ARHGEF10: variants seen among roughly 807,000 people sequenced by gnomAD.
The protein encoded by ARHGEF10 is Rho guanine nucleotide exchange factor (GEF) 10.
Under a neutral mutation model 147.4 loss-of-function variants are expected in ARHGEF10, and 140 were observed. That is an observed-to-expected ratio of 0.95 (90% CI 0.83 to 1.09). The LOEUF (loss-of-function observed/expected upper bound fraction) is 1.09. ARHGEF10 is among the 50% of genes least tolerant of loss of function. The pLI, the probability that ARHGEF10 is intolerant of heterozygous loss-of-function variation, is 0.00. For synonymous variants in ARHGEF10, 902 were observed against 695.8 expected (o/e 1.30, Z -4.67); for missense variants, 2,222 against 1,752.7 (o/e 1.27, Z -4.78).
chr8:1,950,708 A>AT (rs774114750), intron 27 of ARHGEF10, among the ~76,000 whole-genome samples: 3 of 85,130 alleles, frequency 3.5e-5, no homozygotes, highest in South Asian at 3.8e-4. Context: ...GTTTTTTTGT[A>AT]TTTTTTTGTT....
At chr8:1,888,041 G>GT (rs200902915) in intron 11 of ARHGEF10, among the ~76,000 whole-genome samples, 647 of 139,852 alleles carry the variant, frequency 4.6e-3, no homozygotes, top group Middle Eastern at 8.5e-3. Context: ...TAGGGTGAGG[G>GT]TTGTTAGGAG....
chr8:1,919,700 G>C (rs1250000872), intron 18 of ARHGEF10, among the ~76,000 whole-genome samples: 1 of 150,082 alleles, frequency 6.7e-6, no homozygotes, highest in Non-Finnish European at 1.5e-5. Flanking sequence ...TGTTTTGTGG[G>C]TGATGGAGCT....
chr8:1,923,724 A>C, intron 20 of ARHGEF10, 50 bp from the exon 21 acceptor site: 1 of 1,613,536 alleles, frequency 6.2e-7, no homozygotes, highest in Non-Finnish European at 8.5e-7. Context: ...TTAACCTCAC[A>C]GGATGGAGCA....
chr8:1,918,187 GT>G (rs1469800510), intron 18 of ARHGEF10, among the ~76,000 whole-genome samples: 2 of 152,164 alleles, frequency 1.3e-5, no homozygotes, highest in African/African-American at 4.8e-5. Flanking sequence ...GCACTGTGTG[GT>G]TTCTTGTTAT....
rs1411465932 is a variant in ARHGEF10 at position 1,834,943 on chromosome 8, C to T, written c.-47-8410C>T. Among the ~76,000 whole-genome samples, 5 of 152,234 alleles carry T rather than the reference C, an allele frequency of 3.3e-5. 1 individual carries two copies. The highest frequency in any genetic ancestry group is 4.4e-5 in the Non-Finnish European group (3 of 68,044). On this transcript the variant is annotated intron_variant, in intron 1 of 28. Transcript: ENST00000349830. ...CGGCCCCAAGCTCCCGGGGTCTGTCCGCGGGGCCACTTCACCCCCAGGTGG... is the reference window on the plus strand; with the variant it reads ...CGGCCCCAAGCTCCCGGGGTCTGTCTGCGGGGCCACTTCACCCCCAGGTGG...
intron 2 of ARHGEF10, among the ~76,000 whole-genome samples, chr8:1,844,817 A>G (rs1804426379): frequency 6.6e-6 from 1 of 152,188 alleles, no homozygotes; most frequent in East Asian, 1.9e-4. Flanking sequence ...CTGTAATGCC[A>G]GCACTTTGGG....
At chr8:1,846,521 T>C (rs1219639135) in intron 2 of ARHGEF10, among the ~76,000 whole-genome samples, 5 of 152,256 alleles carry the variant, frequency 3.3e-5, no homozygotes, top group African/African-American at 9.6e-5. Flanking sequence ...ATCATCACTT[T>C]TCTGGTTTTT....
chr8:1,951,422 A>G (rs374969192), intron 27 of ARHGEF10, among the ~76,000 whole-genome samples: 1 of 152,230 alleles, frequency 6.6e-6, no homozygotes, highest in Non-Finnish European at 1.5e-5. Context: ...TTCCTGGGAC[A>G]TGCATATTAT....
In ARHGEF10 at chr8:1,923,548, T is replaced by C; in HGVS notation, c.2340T>C (p.Ala780=). The stretch of plus-strand genomic sequence containing the variant: ...TGAAGAAAGAAGATGAAATCAGAGC[T>C]GCGGACTGCTGCAGAATTCAGTTAC... ...LILKKEDEIR[A]ADCCRIQLQL... Residue 780 remains alanine, a synonymous_variant, in exon 20 of 29, where the codon GCT becomes GCC. Coordinates refer to ENST00000349830, the MANE Select transcript of ARHGEF10 (RefSeq NM_014629.4). 1.2e-6 allele frequency: 2 copies of C among 1,614,100 alleles called. No individual in the cohort carries two copies. The highest frequency in any genetic ancestry group is 1.7e-6 in the Non-Finnish European group (2 of 1,180,034).
chr8:1,893,532 G>T (rs761175261), intron 11 of ARHGEF10, 37 bp from the exon 12 acceptor site: 1 of 1,346,356 alleles, frequency 7.4e-7, no homozygotes, highest in African/African-American at 1.4e-5. Context: ...GTATTATAAA[G>T]CAGTTTTCTA....
At position 1,876,723 on chromosome 8, in the gene ARHGEF10, C is replaced by G. The variant is rs1807739635; in HGVS notation, c.832C>G (p.His278Asp). 6.2e-7 allele frequency: 1 copy of G among 1,614,098 alleles called. No homozygotes were observed. Among genetic ancestry groups the G allele is most frequent in the Non-Finnish European group, 8.5e-7 (1 of 1,180,008 alleles). Residue 278 changes from histidine to aspartate, a missense_variant, in exon 8 of 29, where the codon CAC (histidine) becomes GAC (aspartate). His to Asp is a moderately conservative substitution (Grantham distance 81). Coordinates refer to ENST00000349830, the MANE Select transcript of ARHGEF10 (RefSeq NM_014629.4). Reference protein sequence around the residue: ...GIPRSFLRSNHKKQLSHDLTR... With the variant: ...GIPRSFLRSNDKKQLSHDLTR... ...TCCCAGGTCCTTCCTGCGCAGCAAC[C>G]ACAAAAAGCAAGTACGTGTTCCCTG...
At position 1,879,622 on chromosome 8, in the gene ARHGEF10, G is replaced by A. The variant is rs150312414; in HGVS notation, c.844-426G>A. Among the ~76,000 whole-genome samples, 1,314 of 151,326 alleles carry A rather than the reference G, an allele frequency of 8.7e-3. 16 individuals are homozygous for A. Among genetic ancestry groups the A allele is most frequent in the African/African-American group, 0.03 (1,228 of 41,142 alleles). ...GGCTGGAGGGCAGTGGCACCATCAC[G>A]GCTCACTGCAGCCTCCACTTCCCAG... On this transcript the variant is annotated intron_variant, in intron 8 of 28. Coordinates refer to ENST00000349830, the MANE Select transcript of ARHGEF10 (RefSeq NM_014629.4).
At chr8:1,890,485 G>A (rs1017680356) in intron 11 of ARHGEF10, among the ~76,000 whole-genome samples, 3 of 151,174 alleles carry the variant, frequency 2.0e-5, no homozygotes, top group Admixed American at 1.3e-4. Flanking sequence ...ACACTGAGTG[G>A]GGTGAGGGTT....
At chr8:1,927,262 C>T (rs1008667048) in intron 23 of ARHGEF10, 2 of 152,640 alleles carry the variant, frequency 1.3e-5, no homozygotes, top group African/African-American at 4.8e-5. Context: ...ATGGCTGAAG[C>T]TTCATCACCT....
rs1379220085 is a variant in ARHGEF10, at chr8:1,889,086, G to A, written c.1182+3379G>A. 5.7e-5 allele frequency among the ~76,000 whole-genome samples: 6 copies of A among 105,458 alleles called. 2 individuals are homozygous for A. Among genetic ancestry groups the A allele is most frequent in the Non-Finnish European group, 7.8e-5 (4 of 51,062 alleles). The allele number at this position is 105,458 out of a possible 152,430, so 69.2% of individuals were successfully genotyped here. The stretch of plus-strand genomic sequence containing the variant: ...AGACAGTGATTGGGGTGAGGGGTCC[G>A]TGAGGAGACACTGAGTGGGGTGTGA... On this transcript the variant is annotated intron_variant, in intron 11 of 28. Coordinates refer to ENST00000349830, the MANE Select transcript of ARHGEF10 (RefSeq NM_014629.4).
At chr8:1,865,249 A>G (rs1194691758) in intron 5 of ARHGEF10, among the ~76,000 whole-genome samples, 3 of 152,230 alleles carry the variant, frequency 2.0e-5, no homozygotes, top group African/African-American at 7.2e-5. Flanking sequence ...TGCACAGCAC[A>G]GCACACAGGG....
intron 18 of ARHGEF10, among the ~76,000 whole-genome samples, chr8:1,909,794 T>C (rs978240298): frequency 6.6e-6 from 1 of 152,234 alleles, no homozygotes; most frequent in Non-Finnish European, 1.5e-5. Flanking sequence ...GACTTGGCAG[T>C]GCTGGTCTCT....
chr8:1,857,377 A>G (rs1805627879), intron 2 of ARHGEF10, among the ~76,000 whole-genome samples: 1 of 151,542 alleles, frequency 6.6e-6, no homozygotes, highest in Non-Finnish European at 1.5e-5. Context: ...CAGATTTAAA[A>G]TGTGAAAAGC....
chr8:1,915,807 T>C (rs1437087420), intron 18 of ARHGEF10, among the ~76,000 whole-genome samples: 2 of 152,242 alleles, frequency 1.3e-5, no homozygotes. Context: ...TTTCTAAATA[T>C]GACATGCACA....
Sources: gnomAD v4.1 joint callset for allele counts (sites outside exome capture counted in the v4.1 genomes callset) on GRCh38, gnomAD v4.1.1 for gene constraint, MANE v1.5 for transcripts, NCBI Gene and HGNC (gene_info 2026-07-23, HGNC 2026-07-21) for gene names.